The following COL13A1 variants were observed in gnomAD, a reference collection of about 807,000 sequenced individuals.
COL13A1 encodes the protein collagen alpha-1(XIII) chain.
COL13A1 carries 89 observed loss-of-function variants against 130.9 expected under a neutral mutation model. That is an observed-to-expected ratio of 0.68 (90% CI 0.57 to 0.81). COL13A1 has a LOEUF of 0.81. COL13A1 is among the 30% of genes least tolerant of loss of function. The pLI is 0.00. For synonymous variants in COL13A1, 402 were observed against 341.6 expected, an observed-to-expected ratio of 1.18 and a Z score of -1.95; for missense variants, 879 against 934.6, an observed-to-expected ratio of 0.94 and a Z score of 0.78.
intron 17 of COL13A1, among the ~76,000 whole-genome samples, chr10:69,909,934 C>T (rs2063182003): frequency 6.6e-6 from 1 of 152,212 alleles, no homozygotes; most frequent in Non-Finnish European, 1.5e-5. Context: ...CCCAAGGTTG[C>T]ACAGCTAGTA....
chr10:69,932,709 G>A (rs984769168), intron 31 of COL13A1, 105 bp downstream of exon 31: 15 of 754,650 alleles, frequency 2.0e-5, no homozygotes, highest in East Asian at 8.3e-5. Context: ...TGATGTTTAC[G>A]TTTACTGAGC....
chr10:69,873,095 G>A (rs917083890), intron 4 of COL13A1, among the ~76,000 whole-genome samples: 27 of 152,280 alleles, frequency 1.8e-4, no homozygotes, highest in East Asian at 9.7e-4. Context: ...TGCTGCAGCC[G>A]GTCAGGGGGC....
intron 1 of COL13A1, 46 bp downstream of exon 1, chr10:69,802,763 C>T (rs566712976): frequency 6.2e-6 from 10 of 1,602,582 alleles, no homozygotes; most frequent in African/African-American, 2.7e-5. Context: ...CGCGGCGCCC[C>T]CTCGCGCAGC....
chr10:69,925,111 G>A (rs1241698135), intron 25 of COL13A1, 104 bp downstream of exon 25: 27 of 1,223,622 alleles, frequency 2.2e-5, no homozygotes, highest in Middle Eastern at 2.6e-4. Flanking sequence ...TTTTGCCAAG[G>A]TTAAGGGCAC....
intron 2 of COL13A1, among the ~76,000 whole-genome samples, chr10:69,857,916 G>A (rs866375112): frequency 1.7e-5 from 2 of 116,562 alleles, no homozygotes; most frequent in Non-Finnish European, 3.8e-5. Context: ...AGGAGTTCGA[G>A]ACCAGCCTGG....
intron 17 of COL13A1, 144 bp downstream of exon 17, chr10:69,905,966 C>G: frequency 2.3e-6 from 2 of 872,638 alleles, no homozygotes; most frequent in Non-Finnish European, 3.5e-6. Context: ...ACTGGCCCCC[C>G]GAGGGCCTGA....
rs188767896 is a variant in COL13A1, at chr10:69,888,782, C to T, written c.576+452C>T. ...GACCCCACACGTGTGCTCAAGTCCACGTGGAGACTGCTTCCCACCATAGCT... is the reference window on the plus strand; with the variant it reads ...GACCCCACACGTGTGCTCAAGTCCATGTGGAGACTGCTTCCCACCATAGCT... On this transcript the variant is annotated intron_variant, in intron 9 of 40. Coordinates refer to ENST00000645393, the MANE Select transcript of COL13A1 (RefSeq NM_001368882.1). Among the ~76,000 whole-genome samples the T allele has an allele frequency of 7.2e-4, 110 of 152,324 alleles. 2 individuals are homozygous for T. Among genetic ancestry groups the T allele is most frequent in the African/African-American group, 9.6e-5 (4 of 41,574 alleles).
At chr10:69,830,047 GGCCAGAAGA>G (rs906876527) in intron 2 of COL13A1, among the ~76,000 whole-genome samples, 19 of 152,312 alleles carry the variant, frequency 1.2e-4, no homozygotes, top group African/African-American at 4.6e-4. Context: ...GTTCCGGAAA[GGCCAGAAGA>G]GCCCTGGACT....
Position 69,932,561 on chromosome 10 carries a change from G to T in COL13A1, c.1685G>T (p.Gly562Val), listed in dbSNP as rs1450512482. Reference protein sequence around the residue: ...KGETGQAGSPGEKGEAGEKGN... With the variant: ...KGETGQAGSPVEKGEAGEKGN... ...TGCAGTGGTGTTTTGTGCCCACAGGGAGAGAAAGGAGAAGCCGGGGAGAAG... is the reference window on the plus strand; with the variant it reads ...TGCAGTGGTGTTTTGTGCCCACAGGTAGAGAAAGGAGAAGCCGGGGAGAAG... The change falls in exon 31 of 41, where the codon GGA becomes GTA. Residue 562 changes from glycine (G) to valine (V), a missense_variant and splice_region_variant. By Grantham distance (109) the Gly-to-Val change is moderately radical (BLOSUM62 -3). Around this residue, in one of 3 missense-constraint regions of COL13A1, gnomAD observed 715 missense variants for 721.0 expected, o/e 0.99. Coordinates refer to ENST00000645393, the MANE Select transcript of COL13A1 (RefSeq NM_001368882.1). The T allele has an allele frequency of 6.2e-7, 1 of 1,611,230 alleles. No individual in the cohort carries two copies. Among genetic ancestry groups the T allele is most frequent in the Admixed American group, 1.7e-5 (1 of 59,994 alleles).
At chr10:69,857,596 G>A (rs1033753922) in intron 2 of COL13A1, among the ~76,000 whole-genome samples, 28 of 152,246 alleles carry the variant, frequency 1.8e-4, no homozygotes, top group Middle Eastern at 6.8e-3. Context: ...GGGCCAAGGC[G>A]GAACAGTTTT....
chr10:69,822,439 G>T lies in COL13A1; in HGVS notation c.364+1G>T. 5 of 1,587,502 alleles carry T rather than the reference G, an allele frequency of 3.1e-6. No homozygotes were observed. Among genetic ancestry groups the T allele is most frequent in the Non-Finnish European group, 4.3e-6 (5 of 1,167,250 alleles). ...TCTCCAGGATGTAACTGCCCACCAGGTAAGCAGCCCTGCAAATAGGTGACC... is the reference window on the plus strand; with the variant it reads ...TCTCCAGGATGTAACTGCCCACCAGTTAAGCAGCCCTGCAAATAGGTGACC... On this transcript the variant is annotated splice_donor_variant, in intron 2 of 40. Coordinates refer to ENST00000645393, the MANE Select transcript of COL13A1 (RefSeq NM_001368882.1). LOFTEE classifies it high-confidence loss of function.
intron 26 of COL13A1, 151 bp from the exon 27 acceptor site, chr10:69,926,936 C>T: frequency 1.0e-6 from 1 of 966,990 alleles, no homozygotes; most frequent in South Asian, 1.3e-5. Flanking sequence ...TGGTGTGAGT[C>T]TGGGGGCCAT....
chr10:69,878,372 C>G lies in COL13A1; in HGVS notation c.462+307C>G, dbSNP rs368810608. On this transcript the variant is annotated intron_variant, in intron 6 of 40. Transcript: ENST00000645393. ...CGCTATTTTGTGTAGCTGGAACTGC[C>G]CAGGGGGACCCCCGAGGCTATGGAA... 8.1e-4 allele frequency among the ~76,000 whole-genome samples: 124 copies of G among 152,286 alleles called. 2 individuals are homozygous for G. The South Asian group carries it at 0.012, about 15-fold the overall frequency.
rs551986520 is a variant in COL13A1, at chr10:69,900,758, T to C, written c.751-1990T>C. On this transcript the variant is annotated intron_variant, in intron 14 of 40. Coordinates refer to ENST00000645393, the MANE Select transcript of COL13A1 (RefSeq NM_001368882.1). ...AGAAAGTGTAGATGGTGAGCCCTTTTTGCTGGGGGCTTACTTGGAAAGAAT... is the reference window on the plus strand; with the variant it reads ...AGAAAGTGTAGATGGTGAGCCCTTTCTGCTGGGGGCTTACTTGGAAAGAAT... Among the ~76,000 whole-genome samples, 374 of 152,002 alleles carry C rather than the reference T, an allele frequency of 2.5e-3. 3 individuals are homozygous for C. Among genetic ancestry groups the C allele is most frequent in the African/African-American group, 8.5e-3 (352 of 41,434 alleles).
At chr10:69,818,798 A>C (rs1414165319) in intron 1 of COL13A1, among the ~76,000 whole-genome samples, 1 of 152,230 alleles carries the variant, frequency 6.6e-6, no homozygotes, top group African/African-American at 2.4e-5. Context: ...TCAGGCCCTC[A>C]ACAGATCAGA....
chr10:69,811,263 A>G (rs1438726993), intron 1 of COL13A1, among the ~76,000 whole-genome samples: 7 of 152,106 alleles, frequency 4.6e-5, no homozygotes, highest in Non-Finnish European at 8.8e-5. Context: ...GGGTTGCAGC[A>G]GGAGAACCTT....
intron 17 of COL13A1, among the ~76,000 whole-genome samples, chr10:69,910,853 C>G (rs2063294227): frequency 6.6e-6 from 1 of 152,094 alleles, no homozygotes; most frequent in African/African-American, 2.4e-5. Context: ...GTACGCAGAA[C>G]TGGTCTGTCT....
At chr10:69,929,669 G>A (rs2065846904) in intron 28 of COL13A1, among the ~76,000 whole-genome samples, 4 of 151,918 alleles carry the variant, frequency 2.6e-5, no homozygotes, top group Admixed American at 1.3e-4. Context: ...GAGAGCCAGG[G>A]CAGGGGTTCT....
intron 1 of COL13A1, among the ~76,000 whole-genome samples, chr10:69,808,021 G>A (rs535404749): frequency 3.3e-5 from 5 of 152,274 alleles, no homozygotes; most frequent in Admixed American, 2.0e-4. Flanking sequence ...TGTTCAAGAC[G>A]AAAAGCTATT....
Sources: allele counts gnomAD v4.1 joint callset (sites outside exome capture counted in the v4.1 genomes callset), GRCh38; gene constraint gnomAD v4.1.1; regional missense constraint gnomAD v4.1.1; transcripts MANE v1.5; gene names NCBI Gene and HGNC (gene_info 2026-07-23, HGNC 2026-07-21).